Variants in ARRB1 observed in about 807,000 individuals in gnomAD.
ARRB1 encodes the protein beta-arrestin-1.
In ARRB1, 21 loss-of-function variants were observed where a neutral mutation model predicts 56.8. That is an observed-to-expected ratio of 0.37 (90% confidence interval 0.26 to 0.53). The LOEUF (loss-of-function observed/expected upper bound fraction) is 0.53. Among genes scored for constraint, ARRB1 ranks in the 20% least tolerant of loss-of-function variants. The probability of loss-of-function intolerance (pLI) is 0.88; values close to 1 mark genes in which losing one functional copy is unlikely to be tolerated. For synonymous variants in ARRB1, 210 were observed against 218.6 expected, an observed-to-expected ratio of 0.96 and a Z score of 0.35; for missense variants, 424 against 553.7, an observed-to-expected ratio of 0.77 and a Z score of 2.35.
At chr11:75,340,843 A>G (rs1947682904) in intron 1 of ARRB1, among the ~76,000 whole-genome samples, 1 of 151,936 alleles carries the variant, frequency 6.6e-6, no homozygotes, top group Non-Finnish European at 1.5e-5. Context: ...CTGCTCCCCA[A>G]TCTCTCCCCA....
chr11:75,318,936 G>C (rs1186061600), intron 1 of ARRB1, among the ~76,000 whole-genome samples: 2 of 152,144 alleles, frequency 1.3e-5, no homozygotes, highest in Non-Finnish European at 2.9e-5. Context: ...ATGGGAGTAG[G>C]GGCAGAAGGA....
At chr11:75,305,189 G>A (rs12099326) in intron 1 of ARRB1, among the ~76,000 whole-genome samples, 33,502 of 149,066 alleles carry the variant, frequency 0.22, 4,151 homozygotes, top group African/African-American at 0.31. Context: ...GTGCCACCAC[G>A]CCCACCCAGC....
Position 75,266,108 on chromosome 11 carries a change from G to T in ARRB1, c.*55C>A. 1 of 1,374,752 alleles carries T rather than the reference G, an allele frequency of 7.3e-7. No individual in the cohort carries two copies. The highest frequency in any genetic ancestry group is 1.0e-6 in the Non-Finnish European group (1 of 962,768). The allele number at this position is 1,374,752 out of a possible 1,614,324, so 85.2% of individuals were successfully genotyped here. ...ACCAGAACAGGAAGAAGACGAGTAAGCATCCGAGTGCACGAGAGTGGAGCC... is the reference window on the plus strand; with the variant it reads ...ACCAGAACAGGAAGAAGACGAGTAATCATCCGAGTGCACGAGAGTGGAGCC... On this transcript the variant is annotated 3_prime_UTR_variant, in exon 16 of 16. Transcript: ENST00000420843.
rs1364469380 is a variant in ARRB1, at chr11:75,262,608, G to A, written c.*3555C>T. Reference sequence around the variant, plus strand: ...CATCCAGCCATTTTCAACTTACAGAGCCCTGACCGCTGACTTTCATCTCAT... The same window carrying A: ...CATCCAGCCATTTTCAACTTACAGAACCCTGACCGCTGACTTTCATCTCAT... On this transcript the variant is annotated 3_prime_UTR_variant, in exon 16 of 16. Coordinates refer to ENST00000420843, the MANE Select transcript of ARRB1 (RefSeq NM_004041.5). The A allele has an allele frequency of 2.6e-5, 4 of 152,230 alleles. No individual in the cohort carries two copies. Among genetic ancestry groups the A allele is most frequent in the African/African-American group, 9.7e-5 (4 of 41,438 alleles). 9.4% of individuals were successfully genotyped at this position (152,230 alleles called of 1,614,324 possible). A position where few individuals can be genotyped will look rare whatever the true frequency, so the allele number is the denominator to read the frequency against.
At position 75,272,997 on chromosome 11, in the gene ARRB1, G is replaced by A. The variant is rs756904451; in HGVS notation, c.915-19C>T. ...CCTCAACCTGCAAAGTGACACAGGGGAGCCAGTTCAGGGGCCTTGCCAGGT... is the reference window on the plus strand; with the variant it reads ...CCTCAACCTGCAAAGTGACACAGGGAAGCCAGTTCAGGGGCCTTGCCAGGT... On this transcript the variant is annotated intron_variant, in intron 11 of 15. Transcript: ENST00000420843. 6.8e-6 allele frequency: 11 copies of A among 1,612,922 alleles called. No individual in the cohort carries two copies. The highest frequency in any genetic ancestry group is 2.2e-5 in the South Asian group (2 of 90,984).
At chr11:75,317,859 A>AC (rs2140491267) in intron 1 of ARRB1, among the ~76,000 whole-genome samples, 1 of 152,216 alleles carries the variant, frequency 6.6e-6, no homozygotes, top group Admixed American at 6.5e-5. Flanking sequence ...CCTAGAGGTT[A>AC]CCCCCTAGCC....
intron 1 of ARRB1, chr11:75,303,614 G>A (rs1234080108): frequency 2.2e-6 from 1 of 456,122 alleles, no homozygotes; most frequent in Non-Finnish European, 4.4e-6. Context: ...GAAGGTACAG[G>A]CCCCGGTGTC....
At chr11:75,346,878 A>G (rs755753481) in intron 1 of ARRB1, among the ~76,000 whole-genome samples, 2 of 152,198 alleles carry the variant, frequency 1.3e-5, no homozygotes, top group Non-Finnish European at 2.9e-5. Context: ...AGACCCTTCT[A>G]TGCAGAAGCC....
chr11:75,350,242 G>C (rs1947826164), intron 1 of ARRB1, among the ~76,000 whole-genome samples: 1 of 152,182 alleles, frequency 6.6e-6, no homozygotes, highest in Non-Finnish European at 1.5e-5. Context: ...GTGCCCACCG[G>C]GGTGGTGTCT....
intron 1 of ARRB1, among the ~76,000 whole-genome samples, chr11:75,332,392 C>G (rs1947536195): frequency 6.6e-6 from 1 of 152,168 alleles, no homozygotes; most frequent in South Asian, 2.1e-4. Context: ...CGAGGCCCTC[C>G]CAATCCTGAT....
chr11:75,282,125 C>A, intron 5 of ARRB1, 104 bp from the exon 6 acceptor site: 1 of 1,212,570 alleles, frequency 8.2e-7, no homozygotes, highest in Admixed American at 1.9e-5. Context: ...CCAAGGGCCC[C>A]AGGGGACAGG....
Position 75,332,811 on chromosome 11 carries a change from C to G in ARRB1, c.20+18777G>C, listed in dbSNP as rs563414421. 3.7e-3 allele frequency among the ~76,000 whole-genome samples: 569 copies of G among 152,178 alleles called. 2 individuals are homozygous for G. Among genetic ancestry groups the G allele is most frequent in the African/African-American group, 0.013 (551 of 41,520 alleles). ...TCAGGAGGCTGAGGCAGGAGAATCA[C>G]TTGAACCCGGGAGGCGGAGGTTGCA... is the stretch of plus-strand genomic sequence containing the variant. On this transcript the variant is annotated intron_variant, in intron 1 of 15. Coordinates refer to ENST00000420843, the MANE Select transcript of ARRB1 (RefSeq NM_004041.5).
At chr11:75,333,592 CTG>C (rs1005699795) in intron 1 of ARRB1, among the ~76,000 whole-genome samples, 6 of 152,204 alleles carry the variant, frequency 3.9e-5, no homozygotes, top group Non-Finnish European at 8.8e-5. Context: ...GTACCAGGCA[CTG>C]TGTTAAGCCA....
intron 1 of ARRB1, among the ~76,000 whole-genome samples, chr11:75,350,620 GT>G (rs1169293229): frequency 1.3e-5 from 2 of 152,342 alleles, no homozygotes; most frequent in East Asian, 3.9e-4. Context: ...GGCAGAGACT[GT>G]TTCTGAGTAT....
intron 1 of ARRB1, among the ~76,000 whole-genome samples, chr11:75,305,696 C>T (rs932063638): frequency 1.3e-5 from 2 of 152,152 alleles, no homozygotes; most frequent in African/African-American, 4.8e-5. Flanking sequence ...GACGACTCAG[C>T]ACCAGCCTGC....
intron 1 of ARRB1, among the ~76,000 whole-genome samples, chr11:75,291,701 G>A (rs1173954371): frequency 2.6e-5 from 4 of 152,200 alleles, no homozygotes; most frequent in South Asian, 4.1e-4. Context: ...CAGAGACCGC[G>A]AGATAAGAGA....
intron 11 of ARRB1, 74 bp from the exon 12 acceptor site, chr11:75,273,052 G>A (rs1253389487): frequency 3.1e-6 from 4 of 1,295,500 alleles, no homozygotes; most frequent in Middle Eastern, 1.8e-4. Flanking sequence ...TGGGTATGCT[G>A]GGGGGCAGTG....
chr11:75,281,732 G>A (rs779025958), intron 6 of ARRB1: 2 of 549,372 alleles, frequency 3.6e-6, no homozygotes, highest in Non-Finnish European at 6.5e-6. Flanking sequence ...ACGCCACCCA[G>A]GAGAGCCTCC....
chr11:75,319,150 C>T (rs976071529), intron 1 of ARRB1, among the ~76,000 whole-genome samples: 1 of 152,122 alleles, frequency 6.6e-6, no homozygotes, highest in African/African-American at 2.4e-5. Context: ...CTGCTTGAAC[C>T]ACAGCTGGCT....
Sources: gnomAD v4.1 joint callset for allele counts (sites outside exome capture counted in the v4.1 genomes callset) on GRCh38, gnomAD v4.1.1 for gene constraint, MANE v1.5 for transcripts, NCBI Gene and HGNC (gene_info 2026-07-23, HGNC 2026-07-21) for gene names.